Variants in TPO observed in about 807,000 individuals in gnomAD.
TPO encodes the protein thyroid peroxidase, also known as thyroid microsomal antigen.
A neutral mutation model predicts 96.9 loss-of-function variants in TPO; 78 were observed. The observed-to-expected ratio is 0.81, with a 90% confidence interval of 0.67 to 0.97. The LOEUF (loss-of-function observed/expected upper bound fraction) is 0.97. Among genes scored for constraint, TPO ranks in the 50% least tolerant of loss-of-function variants. TPO has a pLI of 0.00. For synonymous variants in TPO, 547 were observed against 538.0 expected (o/e 1.02, Z -0.23); for missense variants, 1,252 against 1,274.8 (o/e 0.98, Z 0.27).
chr2:1,402,886 C>A (rs986785199), intron 1 of TPO, among the ~76,000 whole-genome samples: 1 of 152,158 alleles, frequency 6.6e-6, no homozygotes, highest in African/African-American at 2.4e-5. Context: ...GGAAACTGAG[C>A]GCCAGTTTGT....
chr2:1,411,355 G>A (rs1261254433), upstream of TPO, among the ~76,000 whole-genome samples: 3 of 152,176 alleles, frequency 2.0e-5, no homozygotes, highest in South Asian at 2.1e-4. Flanking sequence ...GAGAGTTGAT[G>A]TGCCGGCTCG....
intron 15 of TPO, among the ~76,000 whole-genome samples, chr2:1,532,085 C>A (rs1457512867): frequency 8.6e-6 from 1 of 116,554 alleles, no homozygotes; most frequent in East Asian, 3.0e-4. Flanking sequence ...TTCCTCAAGT[C>A]CCCCACTGTG....
intron 7 of TPO, among the ~76,000 whole-genome samples, chr2:1,475,827 T>C (rs28910588): frequency 0.22 from 33,752 of 152,244 alleles, 5,137 homozygotes; most frequent in African/African-American, 0.43. Context: ...GGGGCCTCGT[T>C]GCTGCCCCGA....
chr2:1,394,975 A>G (rs1036888761), intron 1 of TPO, among the ~76,000 whole-genome samples: 6 of 152,062 alleles, frequency 3.9e-5, no homozygotes, highest in Non-Finnish European at 1.5e-5. Flanking sequence ...TGCACACCAT[A>G]TGTTGGATTT....
At chr2:1,542,389 A>C in intron 16 of TPO, 32 bp from the exon 17 acceptor site, 1 of 1,613,700 alleles carries the variant, frequency 6.2e-7, no homozygotes, top group Non-Finnish European at 8.5e-7. Context: ...CAGAATTCAG[A>C]CGTTATTAAT....
At chr2:1,383,554 C>A (rs539655924) in intron 1 of TPO, among the ~76,000 whole-genome samples, 20 of 152,282 alleles carry the variant, frequency 1.3e-4, no homozygotes, top group African/African-American at 4.8e-4. Flanking sequence ...ATATGCTTTG[C>A]CCACTTGTTG....
intron 10 of TPO, among the ~76,000 whole-genome samples, chr2:1,492,213 G>A (rs866047797): frequency 6.4e-4 from 97 of 152,180 alleles, no homozygotes; most frequent in African/African-American, 2.2e-3. Context: ...GGAGAGCAAT[G>A]GGGTGATCTC....
Position 1,456,143 on chromosome 2 carries a change from C to G in TPO, c.680C>G (p.Ser227Cys), listed in dbSNP as rs1416597997. 6.2e-7 allele frequency: 1 copy of G among 1,614,112 alleles called. No individual in the cohort carries two copies. The highest frequency in any genetic ancestry group is 1.1e-5 in the South Asian group (1 of 91,086). Residue 227 changes from serine (S) to cysteine (C), a missense_variant, in exon 7 of 17, where the codon TCT (serine) becomes TGT (cysteine). Transcript: ENST00000329066. Reference protein sequence around the residue: ...NEVVTDDDRYSDLLMAWGQYI... With the variant: ...NEVVTDDDRYCDLLMAWGQYI... The stretch of plus-strand genomic sequence containing the variant: ...GTTGTCACAGATGATGACCGCTATT[C>G]TGACCTCCTGATGGCATGGGGACAA...
At chr2:1,435,620 C>T (rs184981847) in intron 4 of TPO, among the ~76,000 whole-genome samples, 1 of 152,076 alleles carries the variant, frequency 6.6e-6, no homozygotes, top group Admixed American at 6.5e-5. Flanking sequence ...TAAAGCCACT[C>T]TCACCTTGAT....
At chr2:1,477,786 C>T (rs1670125948) in intron 8 of TPO, 182 bp downstream of exon 8, 1 of 985,338 alleles carries the variant, frequency 1.0e-6, no homozygotes, top group Non-Finnish European at 1.2e-6. Flanking sequence ...GGGCGCCCTG[C>T]ATGGGCGTGT....
At chr2:1,479,304 C>A (rs895627765) in intron 8 of TPO, among the ~76,000 whole-genome samples, 1 of 152,238 alleles carries the variant, frequency 6.6e-6, no homozygotes, top group Non-Finnish European at 1.5e-5. Context: ...ACTGCGACCT[C>A]CACGGGCAGA....
intron 1 of TPO, among the ~76,000 whole-genome samples, chr2:1,402,459 G>A (rs537238384): frequency 1.2e-4 from 18 of 152,300 alleles, no homozygotes; most frequent in African/African-American, 3.6e-4. Flanking sequence ...GCCAAGGGGG[G>A]TGGGGGATTT....
At chr2:1,509,781 T>C (rs74873065) in intron 14 of TPO, among the ~76,000 whole-genome samples, 60 of 54,396 alleles carry the variant, frequency 1.1e-3, no homozygotes, top group African/African-American at 4.1e-3. Context: ...CACCCTACCC[T>C]TTTGTTTCAG....
intron 2 of TPO, among the ~76,000 whole-genome samples, chr2:1,416,896 C>T (rs939513395): frequency 5.9e-5 from 9 of 152,216 alleles, no homozygotes; most frequent in Non-Finnish European, 1.3e-4. Flanking sequence ...GAGCAGGCAG[C>T]GGCAGGGCCA....
In TPO at chr2:1,403,931, AG is replaced by A. The variant is rs142350797; in HGVS notation, n.180+29530del. ...CAGGATGAGCACAGCCCCTTGACAAAGCTTGGGATGGGGGCCTGTCTGTTAC... is the reference window on the plus strand; with the variant it reads ...CAGGATGAGCACAGCCCCTTGACAAACTTGGGATGGGGGCCTGTCTGTTAC... On this transcript the variant is annotated intron_variant and non_coding_transcript_variant, in intron 1 of 5. Coordinates refer to the TPO transcript ENST00000497517. Among the ~76,000 whole-genome samples the A allele has an allele frequency of 7.5e-3, 1,150 of 152,318 alleles. 12 individuals carry two copies. The highest frequency in any genetic ancestry group is 0.025 in the African/African-American group (1,054 of 41,572).
intron 13 of TPO, among the ~76,000 whole-genome samples, chr2:1,498,105 G>A (rs1672536877): frequency 6.6e-6 from 1 of 151,760 alleles, no homozygotes; most frequent in Non-Finnish European, 1.5e-5. Flanking sequence ...AGGTGGTAAA[G>A]TTTACATTAT....
intron 13 of TPO, among the ~76,000 whole-genome samples, chr2:1,502,294 A>T (rs897507511): frequency 6.6e-6 from 1 of 152,332 alleles, no homozygotes; most frequent in South Asian, 2.1e-4. Context: ...GGTTACCTGT[A>T]CATGAAACAC....
chr2:1,476,781 G>A (rs530611649), intron 7 of TPO, among the ~76,000 whole-genome samples: 1 of 152,202 alleles, frequency 6.6e-6, no homozygotes, highest in East Asian at 1.9e-4. Context: ...GCAGGCTGAG[G>A]GGAGGTGCGG....
chr2:1,422,953 C>T (rs539800867), intron 2 of TPO, 92 bp from the exon 3 acceptor site: 18 of 1,431,824 alleles, frequency 1.3e-5, no homozygotes, highest in Non-Finnish European at 1.6e-5. Flanking sequence ...TGGGCATCAC[C>T]GCAGCAAGAT....
Sources: allele counts gnomAD v4.1 joint callset (sites outside exome capture counted in the v4.1 genomes callset), GRCh38; gene constraint gnomAD v4.1.1; transcripts MANE v1.5; gene names NCBI Gene and HGNC (gene_info 2026-07-23, HGNC 2026-07-21).